TCEA3: variants seen among roughly 807,000 people sequenced by gnomAD.
TCEA3 encodes transcription elongation factor A protein 3.
A neutral mutation model predicts 44.0 loss-of-function variants in TCEA3; 36 were observed. The ratio of observed to expected loss-of-function variants is 0.82; its 90% CI spans 0.63 to 1.08. The LOEUF is 1.08. TCEA3 is among the 50% of genes least tolerant of loss of function. The pLI, the probability that TCEA3 is intolerant of heterozygous loss-of-function variation, is 0.00. For synonymous variants in TCEA3, 162 were observed against 159.7 expected, an observed-to-expected ratio of 1.01 and a Z score of -0.11; for missense variants, 392 against 441.2, an observed-to-expected ratio of 0.89 and a Z score of 1.00.
chr1:23,381,792 C>T (rs1195345662), intron 10 of TCEA3, among the ~76,000 whole-genome samples: 1 of 152,192 alleles, frequency 6.6e-6, no homozygotes, highest in Admixed American at 6.5e-5. Flanking sequence ...TTTGGTCTCC[C>T]ACATGGCAAC....
intron 5 of TCEA3, 82 bp downstream of exon 5, chr1:23,408,582 C>G: frequency 7.0e-7 from 1 of 1,421,762 alleles, no homozygotes; most frequent in African/African-American, 1.4e-5. Flanking sequence ...TTTCCTCTGC[C>G]TTGGGCTTCC....
At chr1:23,381,538 G>A (rs1638671645) in intron 10 of TCEA3, 64 bp from the exon 11 acceptor site, 1 of 779,378 alleles carries the variant, frequency 1.3e-6, no homozygotes, top group Non-Finnish European at 2.4e-6. Context: ...GAGGCTGTGG[G>A]GGAATATGAA....
At position 23,393,929 on chromosome 1, in the gene TCEA3, C is replaced by G; in HGVS notation, c.769G>C (p.Val257Leu). 3 of 1,613,958 alleles carry G rather than the reference C, an allele frequency of 1.9e-6. No homozygotes were observed. Among genetic ancestry groups the G allele is most frequent in the Non-Finnish European group, 2.5e-6 (3 of 1,179,902 alleles). The change falls in exon 8 of 11, where the codon GTG becomes CTG. Residue 257 changes from valine to leucine, a missense_variant. Coordinates refer to ENST00000450454, the MANE Select transcript of TCEA3 (RefSeq NM_003196.3). ...CCTGCGGAGATGGCCCCACTGAGCA[C>G]GTTCCGCCGCAGGCCGGGGTTCCTG... The part of the protein sequence containing the change: ...DPRNPGLRRN[V>L]LSGAISAGLI...
intron 4 of TCEA3, 45 bp downstream of exon 4, chr1:23,417,202 GAC>G (rs767926789): frequency 1.3e-6 from 2 of 1,592,914 alleles, no homozygotes; most frequent in Non-Finnish European, 1.7e-6. Flanking sequence ...GCTGTCAGAG[GAC>G]GTGACAAGTG....
rs536727690 is a variant in TCEA3, at chr1:23,416,650, C to T, written c.380+599G>A. Among the ~76,000 whole-genome samples the T allele has an allele frequency of 8.3e-4, 127 of 152,196 alleles. 2 individuals carry two copies. The South Asian group carries it at 0.026, about 31-fold the overall frequency. On this transcript the variant is annotated intron_variant, in intron 4 of 10. Transcript: ENST00000450454. ...AGGATTACAGGTGTGCGCTACCATGCCTGGCTAATTTTTGTATTTTTTGTA... is the reference window on the plus strand; with the variant it reads ...AGGATTACAGGTGTGCGCTACCATGTCTGGCTAATTTTTGTATTTTTTGTA...
At chr1:23,387,836 C>T (rs778800091) in intron 8 of TCEA3, among the ~76,000 whole-genome samples, 6 of 152,156 alleles carry the variant, frequency 3.9e-5, no homozygotes, top group South Asian at 4.1e-4. Context: ...TGCTCTTTTA[C>T]GCTGTGATCA....
chr1:23,417,766 C>T, intron 3 of TCEA3, 138 bp downstream of exon 3: 1 of 779,780 alleles, frequency 1.3e-6, no homozygotes. Flanking sequence ...CACTAGCTAC[C>T]TCCCGGATCC....
intron 9 of TCEA3, 124 bp downstream of exon 9, chr1:23,387,149 G>A (rs1299679327): frequency 4.1e-5 from 54 of 1,301,850 alleles, no homozygotes; most frequent in Non-Finnish European, 4.9e-5. Context: ...CACCGCACCC[G>A]GCAAAGCCTA....
intron 8 of TCEA3, among the ~76,000 whole-genome samples, chr1:23,392,571 C>T (rs1420271408): frequency 1.3e-5 from 2 of 150,452 alleles, no homozygotes; most frequent in African/African-American, 4.9e-5. Context: ...ATCAGACACA[C>T]ACACTCCACA....
intron 8 of TCEA3, among the ~76,000 whole-genome samples, chr1:23,392,423 A>ACTCCACACAT (rs1639069828): frequency 2.8e-4 from 2 of 7,126 alleles, no homozygotes; most frequent in Non-Finnish European, 2.9e-4. Context: ...CACAATACAC[A>ACTCCACACAT]CACACTCCAC....
intron 5 of TCEA3, among the ~76,000 whole-genome samples, chr1:23,399,144 G>GTATATA (rs60424866): frequency 0.097 from 5,863 of 60,676 alleles, 555 homozygotes; most frequent in Admixed American, 0.14. Context: ...ATGTATATAT[G>GTATATA]TATATATATA....
intron 5 of TCEA3, among the ~76,000 whole-genome samples, chr1:23,400,752 C>T (rs2148563117): frequency 6.6e-6 from 1 of 152,252 alleles, no homozygotes; most frequent in South Asian, 2.1e-4. Context: ...ACTCGAGGGT[C>T]TTACCAAACT....
chr1:23,418,285 T>C (rs1639953497), intron 2 of TCEA3: 1 of 419,830 alleles, frequency 2.4e-6, no homozygotes, highest in Non-Finnish European at 4.4e-6. Flanking sequence ...CTTGGCTGAC[T>C]GTCAGGACCC....
At chr1:23,393,812 C>T in intron 8 of TCEA3, 67 bp downstream of exon 8, 1 of 1,561,042 alleles carries the variant, frequency 6.4e-7, no homozygotes, top group Non-Finnish European at 8.7e-7. Context: ...AGCCACTGAC[C>T]CTCTGCACTA....
intron 8 of TCEA3, among the ~76,000 whole-genome samples, chr1:23,391,447 G>T (rs1182745159): frequency 6.6e-6 from 1 of 152,010 alleles, no homozygotes; most frequent in Non-Finnish European, 1.5e-5. Flanking sequence ...TCTTTGGGAG[G>T]TGATTAGCTC....
intron 5 of TCEA3, among the ~76,000 whole-genome samples, chr1:23,402,817 C>T (rs529961082): frequency 6.6e-6 from 1 of 152,216 alleles, no homozygotes; most frequent in African/African-American, 2.4e-5. Flanking sequence ...TAGGTGGACA[C>T]TTGATACATC....
At chr1:23,408,107 GCC>G (rs1297332326) in intron 5 of TCEA3, among the ~76,000 whole-genome samples, 6 of 152,124 alleles carry the variant, frequency 3.9e-5, no homozygotes, top group Admixed American at 2.0e-4. Context: ...GATTACAGGT[GCC>G]CACCACCATG....
chr1:23,417,875 G>A, intron 3 of TCEA3, 29 bp downstream of exon 3: 2 of 1,606,156 alleles, frequency 1.2e-6, no homozygotes, highest in Non-Finnish European at 1.7e-6. Context: ...GAGAAAAACA[G>A]GGCTCAAGAC....
At chr1:23,419,331 C>T in intron 1 of TCEA3, 192 bp from the exon 2 acceptor site, 2 of 401,670 alleles carry the variant, frequency 5.0e-6, no homozygotes, top group Non-Finnish European at 8.8e-6. Flanking sequence ...TCCCCCGCCA[C>T]CTGCTGGGTT....
Sources: allele counts gnomAD v4.1 joint callset (sites outside exome capture counted in the v4.1 genomes callset), GRCh38; gene constraint gnomAD v4.1.1; transcripts MANE v1.5; gene names NCBI Gene and HGNC (gene_info 2026-07-23, HGNC 2026-07-21).